LRRC74A: variants seen among roughly 807,000 people sequenced by gnomAD.
LRRC74A encodes leucine-rich repeat-containing protein 74A.
Under a neutral mutation model 57.9 loss-of-function variants are expected in LRRC74A, and 44 were observed. That is an observed-to-expected ratio of 0.76 (90% CI 0.60 to 0.98). LRRC74A has a LOEUF of 0.98. Ranked by LOEUF, LRRC74A falls within the 50% of genes least tolerant of loss-of-function variation. LRRC74A has a pLI of 0.00. For missense variants in LRRC74A, 572 were observed against 574.0 expected, an observed-to-expected ratio of 1.00 and a Z score of 0.04; for synonymous variants, 211 against 219.4, an observed-to-expected ratio of 0.96 and a Z score of 0.34.
intron 7 of LRRC74A, among the ~76,000 whole-genome samples, chr14:76,845,407 GA>G (rs1897056268): frequency 6.6e-6 from 1 of 152,078 alleles, no homozygotes; most frequent in African/African-American, 2.4e-5. Context: ...CAAACACCTG[GA>G]CATGGGAAGT....
intron 2 of LRRC74A, among the ~76,000 whole-genome samples, chr14:76,830,784 G>C (rs983805170): frequency 3.3e-5 from 5 of 152,144 alleles, no homozygotes; most frequent in African/African-American, 1.2e-4. Context: ...GAAACTAAAA[G>C]TGAAATGAAG....
intron 11 of LRRC74A, among the ~76,000 whole-genome samples, chr14:76,862,523 C>T (rs946374816): frequency 5.8e-5 from 7 of 120,444 alleles, no homozygotes; most frequent in Admixed American, 4.7e-4. Flanking sequence ...GGCAACAGAG[C>T]GAGACTCTGT....
intron 2 of LRRC74A, 30 bp from the exon 3 acceptor site, chr14:76,831,173 A>G: frequency 6.2e-7 from 1 of 1,611,884 alleles, no homozygotes; most frequent in Non-Finnish European, 8.5e-7. Flanking sequence ...GTGGAAGAGA[A>G]ATCCTACTTC....
At chr14:76,834,412 CATTT>C (rs1175914368) in intron 3 of LRRC74A, among the ~76,000 whole-genome samples, 34 of 152,308 alleles carry the variant, frequency 2.2e-4, no homozygotes, top group African/African-American at 7.0e-4. Flanking sequence ...CTGTATCATT[CATTT>C]GACAATTAAT....
chr14:76,852,286 T>C, intron 7 of LRRC74A, 79 bp from the exon 8 acceptor site: 1 of 1,079,870 alleles, frequency 9.3e-7, no homozygotes, highest in Non-Finnish European at 1.4e-6. Context: ...TTATCCCCAG[T>C]GTCATGGACA....
chr14:76,826,426 G>C lies in LRRC74A; in HGVS notation c.-272G>C, dbSNP rs188303516. 10 of 1,196,622 alleles carry C rather than the reference G, an allele frequency of 8.4e-6. No individual in the cohort carries two copies. The highest frequency in any genetic ancestry group is 1.2e-5 in the Non-Finnish European group (10 of 851,214). The allele number at this position is 1,196,622 out of a possible 1,614,324, so 74.1% of individuals were successfully genotyped here. ...CCTTTCAACAGGGCTCCCAGCAATA[G>C]AGCAGTCCCACTCTCCCAGATGAGC... On this transcript the variant is annotated 5_prime_UTR_variant, in exon 1 of 14. Transcript: ENST00000689127.
chr14:76,850,577 TA>T (rs554541893), intron 7 of LRRC74A, among the ~76,000 whole-genome samples: 375 of 151,562 alleles, frequency 2.5e-3, no homozygotes, highest in Non-Finnish European at 4.1e-3. Context: ...CCATGAAAAA[TA>T]AGAAATAGGC....
chr14:76,831,753 G>A (rs534686141), intron 3 of LRRC74A, among the ~76,000 whole-genome samples: 3 of 152,246 alleles, frequency 2.0e-5, no homozygotes, highest in Non-Finnish European at 4.4e-5. Context: ...GCTCACTTTT[G>A]CTGTAAATGG....
intron 11 of LRRC74A, 142 bp downstream of exon 11, chr14:76,860,981 A>T (rs4619325): frequency 0.91 from 614,236 of 673,406 alleles, 282,256 homozygotes; most frequent in Middle Eastern, 0.96. Context: ...TCCCTTGGAC[A>T]GCAGACATGG....
chr14:76,864,722 C>G (rs868067289), intron 11 of LRRC74A, among the ~76,000 whole-genome samples: 2 of 152,032 alleles, frequency 1.3e-5, no homozygotes, highest in Admixed American at 1.3e-4. Context: ...TGCATGATGG[C>G]GCATGCCTGT....
intron 9 of LRRC74A, among the ~76,000 whole-genome samples, chr14:76,857,151 T>G (rs1897961261): frequency 7.3e-6 from 1 of 136,992 alleles, no homozygotes; most frequent in African/African-American, 2.6e-5. Flanking sequence ...AGCAGTGAGA[T>G]GGATAAATGG....
intron 2 of LRRC74A, 21 bp downstream of exon 2, chr14:76,828,440 G>C: frequency 6.2e-7 from 1 of 1,613,696 alleles, no homozygotes; most frequent in Non-Finnish European, 8.5e-7. Flanking sequence ...GCATTTGGGG[G>C]CAGTCAGGGC....
At chr14:76,861,705 T>C (rs1442818389) in intron 11 of LRRC74A, among the ~76,000 whole-genome samples, 5 of 152,218 alleles carry the variant, frequency 3.3e-5, no homozygotes, top group African/African-American at 4.8e-5. Context: ...CTAGTCCCAT[T>C]GTCTTGCAGA....
At position 76,831,336 on chromosome 14, in the gene LRRC74A, G is replaced by C; in HGVS notation, c.300G>C (p.Leu100=). The change falls in exon 3 of 14, where the codon CTG becomes CTC. Residue 100 remains leucine (L), a synonymous_variant. Coordinates refer to ENST00000689127, the MANE Select transcript of LRRC74A (RefSeq NM_001385106.1). ...ACGTGAACCTCAACCACCACGGCCTGGGCCCCAGGGGTACCAAGGCTATTG... is the reference window on the plus strand; with the variant it reads ...ACGTGAACCTCAACCACCACGGCCTCGGCCCCAGGGGTACCAAGGCTATTG... The part of the protein sequence containing the change: ...ESYVNLNHHG[L]GPRGTKAIAI... The C allele has an allele frequency of 6.2e-7, 1 of 1,613,890 alleles. No homozygotes were observed. Among genetic ancestry groups the C allele is most frequent in the Non-Finnish European group, 8.5e-7 (1 of 1,179,890 alleles).
intron 12 of LRRC74A, among the ~76,000 whole-genome samples, chr14:76,866,523 G>T (rs1898809819): frequency 6.6e-6 from 1 of 152,170 alleles, no homozygotes; most frequent in Non-Finnish European, 1.5e-5. Flanking sequence ...ACTTGAAGGG[G>T]TCTATCATCA....
chr14:76,845,617 C>G (rs767158470), intron 7 of LRRC74A, among the ~76,000 whole-genome samples: 79 of 152,280 alleles, frequency 5.2e-4, no homozygotes, highest in Admixed American at 4.4e-3. Context: ...ATATAACAAA[C>G]CAGCACATGT....
rs547193982 is a variant in LRRC74A at position 76,844,467 on chromosome 14, C to T, written c.589C>T (p.Leu197=). 1.9e-6 allele frequency: 3 copies of T among 1,611,996 alleles called. No homozygotes were observed. Among genetic ancestry groups the T allele is most frequent in the East Asian group, 4.5e-5 (2 of 44,774 alleles). Residue 197 remains leucine, a synonymous_variant, in exon 6 of 14, where the codon CTG becomes TTG. Coordinates refer to ENST00000689127, the MANE Select transcript of LRRC74A (RefSeq NM_001385106.1). Reference sequence around the variant, plus strand: ...CTCCGCAGCACTGCTCTGCCAAGCCCTGTCGGTAAGAGGCAGGGAGTGCAG... The same window carrying T: ...CTCCGCAGCACTGCTCTGCCAAGCCTTGTCGGTAAGAGGCAGGGAGTGCAG... ...EDSAALLCQA[L]STNYQIKKLD... is the part of the protein sequence containing the mutation.
rs1745769866 is a variant in LRRC74A, at chr14:76,833,996, G to A, written c.340-2211G>A. 2.0e-5 allele frequency among the ~76,000 whole-genome samples: 3 copies of A among 152,294 alleles called. No individual in the cohort carries two copies. In the South Asian group the frequency reaches 6.2e-4, roughly 32 times the overall value. On this transcript the variant is annotated intron_variant, in intron 3 of 13. Transcript: ENST00000689127. ...GAATGTAAGTTCCTTGTATGATAAG[G>A]ATAGGCTTATGTGCTATTCAAGTGC...
At chr14:76,855,567 T>A (rs1347707208) in intron 9 of LRRC74A, among the ~76,000 whole-genome samples, 2 of 152,238 alleles carry the variant, frequency 1.3e-5, no homozygotes. Flanking sequence ...ACATCAACTT[T>A]GCCACAGGAA....
Sources: allele counts gnomAD v4.1 joint callset (sites outside exome capture counted in the v4.1 genomes callset), GRCh38; gene constraint gnomAD v4.1.1; transcripts MANE v1.5; gene names NCBI Gene and HGNC (gene_info 2026-07-23, HGNC 2026-07-21).